EFR3B: variants seen among roughly 807,000 people sequenced by gnomAD.
EFR3B encodes the protein EFR3 homolog B.
A neutral mutation model predicts 104.7 loss-of-function variants in EFR3B; 64 were observed. The ratio of observed to expected loss-of-function variants is 0.61; its 90% confidence interval spans 0.50 to 0.75. EFR3B has a LOEUF of 0.75. EFR3B is among the 30% of genes least tolerant of loss of function. The pLI is 0.00. For synonymous variants in EFR3B, 385 were observed against 417.9 expected, an observed-to-expected ratio of 0.92 and a Z score of 0.96; for missense variants, 750 against 1,078.5, an observed-to-expected ratio of 0.70 and a Z score of 4.27.
intron 1 of EFR3B, among the ~76,000 whole-genome samples, chr2:25,067,191 T>A (rs568078836): frequency 6.6e-6 from 1 of 152,224 alleles, no homozygotes; most frequent in East Asian, 1.9e-4. Flanking sequence ...GTGGCTACCA[T>A]ATTGGGTAGT....
In EFR3B at chr2:25,158,842, C is replaced by G. The variant is rs1671243715; in HGVS notation, c.*4502C>G. 6.6e-6 allele frequency: 1 copy of G among 152,204 alleles called. No individual in the cohort carries two copies. Among genetic ancestry groups the G allele is most frequent in the Non-Finnish European group, 1.5e-5 (1 of 68,048 alleles). 9.4% of individuals were successfully genotyped at this position (152,204 alleles called of 1,614,324 possible). A position where few individuals can be genotyped will look rare whatever the true frequency, so the allele number is the denominator to read the frequency against. ...TAATGTGTCTGTGTCCACTTAGAGC[C>G]TCACGACCTGGCTGTGTGTGTGCAT... On this transcript the variant is annotated 3_prime_UTR_variant, in exon 23 of 23. Coordinates refer to ENST00000403714, the MANE Select transcript of EFR3B (RefSeq NM_014971.2).
chr2:25,074,344 T>A (rs1668575823), intron 1 of EFR3B, among the ~76,000 whole-genome samples: 1 of 152,058 alleles, frequency 6.6e-6, no homozygotes, highest in African/African-American at 2.4e-5. Context: ...GGCGGATGGA[T>A]CACTTGAGGT....
At chr2:25,046,394 C>CA (rs1667716596) in intron 1 of EFR3B, among the ~76,000 whole-genome samples, 1 of 151,584 alleles carries the variant, frequency 6.6e-6, no homozygotes, top group Non-Finnish European at 1.5e-5. Context: ...CAAAACAAAA[C>CA]AAAAAACCAC....
chr2:25,140,519 G>T (rs1670633861), intron 16 of EFR3B, among the ~76,000 whole-genome samples: 1 of 152,034 alleles, frequency 6.6e-6, no homozygotes, highest in South Asian at 2.1e-4. Flanking sequence ...CCTGACAATT[G>T]TGGGACCTTT....
intron 3 of EFR3B, among the ~76,000 whole-genome samples, chr2:25,098,859 T>C (rs1669354207): frequency 7.8e-6 from 1 of 128,908 alleles, no homozygotes; most frequent in African/African-American, 2.8e-5. Context: ...TTTTTTTTTC[T>C]GTTGCAAAGG....
In EFR3B at chr2:25,143,718, C is replaced by T. The variant is rs1182794309; in HGVS notation, c.1923-17C>T. The T allele has an allele frequency of 6.4e-7, 1 of 1,551,212 alleles. No individual in the cohort carries two copies. The highest frequency in any genetic ancestry group is 2.4e-5 in the East Asian group (1 of 40,908). On this transcript the variant is annotated splice_polypyrimidine_tract_variant and intron_variant, in intron 17 of 22. Transcript: ENST00000403714. ...TACCGCGGTTCTAACGAACTTTCTCCCTCCTTCATCTTCCAGGCTGTCTCA... is the reference window on the plus strand; with the variant it reads ...TACCGCGGTTCTAACGAACTTTCTCTCTCCTTCATCTTCCAGGCTGTCTCA...
At chr2:25,133,037 C>G in intron 11 of EFR3B, 23 bp downstream of exon 11, 2 of 1,539,512 alleles carry the variant, frequency 1.3e-6, no homozygotes, top group East Asian at 4.9e-5. Context: ...TCTCCCCCAG[C>G]CTGGAGTCCT....
intron 1 of EFR3B, among the ~76,000 whole-genome samples, chr2:25,043,791 T>G (rs1215733146): frequency 1.3e-5 from 2 of 152,216 alleles, no homozygotes; most frequent in Non-Finnish European, 2.9e-5. Flanking sequence ...CCCCCTCTTC[T>G]TTTCTGCAGA....
intron 5 of EFR3B, among the ~76,000 whole-genome samples, chr2:25,126,238 C>CCATGATCTCACATGATCTCA (rs1324052027): frequency 1.3e-5 from 2 of 152,082 alleles, no homozygotes; most frequent in Non-Finnish European, 2.9e-5. Context: ...GAGTGCAGTG[C>CCATGATCTCACATGATCTCA]CATGATCTCA....
intron 1 of EFR3B, among the ~76,000 whole-genome samples, chr2:25,056,201 A>G (rs1337305587): frequency 6.6e-6 from 1 of 152,148 alleles, no homozygotes; most frequent in African/African-American, 2.4e-5. Flanking sequence ...AATAAAGAAT[A>G]TATTAGAATA....
intron 22 of EFR3B, among the ~76,000 whole-genome samples, 179 bp downstream of exon 22, chr2:25,153,940 T>G (rs1671089297): frequency 6.6e-6 from 1 of 152,004 alleles, no homozygotes; most frequent in South Asian, 2.1e-4. Context: ...GACAAGGAAA[T>G]AGAGACCAGA....
intron 4 of EFR3B, among the ~76,000 whole-genome samples, chr2:25,120,497 A>G (rs1244814895): frequency 1.3e-5 from 2 of 152,130 alleles, no homozygotes; most frequent in Non-Finnish European, 2.9e-5. Context: ...TACAAAAATT[A>G]GCTGGGCATG....
Position 25,122,262 on chromosome 2 carries a change from C to T in EFR3B, c.485+468C>T, listed in dbSNP as rs557083135. ...GATTACAGGCGGGAGCCACTACACC[C>T]GGCCCCCACATGTGGTTTCTAAAGG... On this transcript the variant is annotated intron_variant, in intron 5 of 22. Coordinates refer to ENST00000403714, the MANE Select transcript of EFR3B (RefSeq NM_014971.2). 1.2e-4 allele frequency among the ~76,000 whole-genome samples: 18 copies of T among 152,190 alleles called. No homozygotes were observed. In the East Asian group the frequency reaches 2.9e-3, roughly 25 times the overall value.
chr2:25,065,414 C>G (rs1187448119), intron 1 of EFR3B, among the ~76,000 whole-genome samples: 1 of 144,130 alleles, frequency 6.9e-6, no homozygotes, highest in African/African-American at 2.6e-5. Context: ...TGATCTCAAA[C>G]TCCTGTGCTC....
chr2:25,107,610 CCTT>C (rs1439607132), intron 4 of EFR3B, among the ~76,000 whole-genome samples: 1 of 152,028 alleles, frequency 6.6e-6, no homozygotes, highest in Non-Finnish European at 1.5e-5. Flanking sequence ...TCCCTCCTTT[CCTT>C]CTTTTATTCT....
At chr2:25,111,725 G>A (rs771610824) in intron 4 of EFR3B, among the ~76,000 whole-genome samples, 1 of 152,194 alleles carries the variant, frequency 6.6e-6, no homozygotes, top group Non-Finnish European at 1.5e-5. Flanking sequence ...AGAAGGGGAC[G>A]TGATGATGGA....
intron 3 of EFR3B, among the ~76,000 whole-genome samples, chr2:25,097,355 A>G (rs1669308233): frequency 6.6e-6 from 1 of 152,204 alleles, no homozygotes; most frequent in Admixed American, 6.5e-5. Context: ...CCAACGCCAC[A>G]TACATCATCA....
chr2:25,100,184 A>G (rs1669391632), intron 3 of EFR3B, among the ~76,000 whole-genome samples: 2 of 152,218 alleles, frequency 1.3e-5, no homozygotes, highest in South Asian at 4.1e-4. Context: ...AGCCTAAGCA[A>G]CAAGAGCAAA....
Position 25,136,678 on chromosome 2 carries a change from G to T in EFR3B, c.1560+80G>T. 1 of 1,239,894 alleles carries T rather than the reference G, an allele frequency of 8.1e-7. No homozygotes were observed. The highest frequency in any genetic ancestry group is 1.3e-5 in the South Asian group (1 of 76,504). The allele number at this position is 1,239,894 out of a possible 1,614,324, so 76.8% of individuals were successfully genotyped here. On this transcript the variant is annotated intron_variant, in intron 14 of 22. Coordinates refer to ENST00000403714, the MANE Select transcript of EFR3B (RefSeq NM_014971.2). This position sits in a 1 kb window ranked among gnomAD's most constrained non-coding sequence, Gnocchi z 4.0. ...TGCAATCCCAGCACTTTGGGAGGCT[G>T]AGGCGGGCGGATAGATCACTTGAGG...
Sources: gnomAD v4.1 joint callset for allele counts (sites outside exome capture counted in the v4.1 genomes callset) on GRCh38, gnomAD v4.1.1 for gene constraint, Gnocchi (gnomAD v3.1) non-coding constraint, MANE v1.5 for transcripts, NCBI Gene and HGNC (gene_info 2026-07-23, HGNC 2026-07-21) for gene names.